RBFOX1: variants seen among roughly 807,000 people sequenced by gnomAD.
RBFOX1 encodes RNA binding fox-1 homolog 1, also known as RNA binding protein fox-1 homolog 1.
RBFOX1 carries 8 observed loss-of-function variants against 57.7 expected under a neutral mutation model. The ratio of observed to expected loss-of-function variants is 0.14; its 90% CI spans 0.08 to 0.25. RBFOX1 has a LOEUF of 0.25. Among genes scored for constraint, RBFOX1 ranks in the 10% least tolerant of loss-of-function variants. RBFOX1 has a pLI of 1.00. For missense variants in RBFOX1, 611 were observed against 548.5 expected, an observed-to-expected ratio of 1.11 and a Z score of -1.14; for synonymous variants, 326 against 222.4, an observed-to-expected ratio of 1.47 and a Z score of -4.15.
At chr16:5,798,785 CA>C (rs1034923835) in intron 3 of RBFOX1, among the ~76,000 whole-genome samples, 7 of 152,116 alleles carry the variant, frequency 4.6e-5, no homozygotes, top group African/African-American at 1.7e-4. Flanking sequence ...AATTATGAAC[CA>C]GGGGTCTGAG....
chr16:6,865,074 C>T (rs2059688417), intron 3 of RBFOX1, among the ~76,000 whole-genome samples: 1 of 129,118 alleles, frequency 7.7e-6, no homozygotes, highest in African/African-American at 3.0e-5. Context: ...GCGATCTTGG[C>T]TCACTGCAAC....
At chr16:6,826,274 A>G (rs893245855) in intron 3 of RBFOX1, among the ~76,000 whole-genome samples, 2 of 152,088 alleles carry the variant, frequency 1.3e-5, no homozygotes, top group Non-Finnish European at 2.9e-5. Context: ...CACTTTGGGG[A>G]GGCCGAAGCG....
chr16:7,601,922 G>A (rs1222184311), intron 9 of RBFOX1, among the ~76,000 whole-genome samples: 5 of 152,174 alleles, frequency 3.3e-5, no homozygotes, highest in Non-Finnish European at 5.9e-5. Flanking sequence ...TTTGTACCCA[G>A]TGCGAACCTC....
intron 3 of RBFOX1, among the ~76,000 whole-genome samples, chr16:5,637,394 C>G (rs896037632): frequency 1.3e-5 from 2 of 152,244 alleles, no homozygotes; most frequent in African/African-American, 4.8e-5. Flanking sequence ...TTCTGCTCAG[C>G]TCCTTCCCAC....
intron 2 of RBFOX1, chr16:6,484,005 T>A: frequency 1.1e-6 from 1 of 942,954 alleles, no homozygotes; most frequent in Non-Finnish European, 1.3e-6. Context: ...TCTGGACACT[T>A]GGAGAGGGCT....
chr16:6,654,292 G>T (rs1415531541), intron 2 of RBFOX1, among the ~76,000 whole-genome samples: 2 of 152,202 alleles, frequency 1.3e-5, no homozygotes, highest in African/African-American at 4.8e-5. Flanking sequence ...GTGAACAATT[G>T]TATGGAGGGC....
At chr16:7,658,764 A>T (rs2066954935) in intron 12 of RBFOX1, among the ~76,000 whole-genome samples, 1 of 152,152 alleles carries the variant, frequency 6.6e-6, no homozygotes, top group Non-Finnish European at 1.5e-5. Flanking sequence ...TTGCTCTGTC[A>T]CCCAGGCTGA....
intron 2 of RBFOX1, among the ~76,000 whole-genome samples, chr16:5,508,788 C>G (rs1026644114): frequency 1.8e-4 from 27 of 152,326 alleles, no homozygotes; most frequent in African/African-American, 5.8e-4. Context: ...CACAGTATGT[C>G]CCTGCAGTCA....
At chr16:6,612,141 ATTTGCTCATC>A (rs2098068431) in intron 2 of RBFOX1, among the ~76,000 whole-genome samples, 1 of 152,152 alleles carries the variant, frequency 6.6e-6, no homozygotes, top group Admixed American at 6.5e-5. Flanking sequence ...CCTGGTAAGA[ATTTGCTCATC>A]TTTTATTTTC....
At chr16:6,966,118 T>G (rs879841828) in intron 3 of RBFOX1, among the ~76,000 whole-genome samples, 2 of 152,144 alleles carry the variant, frequency 1.3e-5, no homozygotes, top group African/African-American at 2.4e-5. Context: ...ACTGGGGGCC[T>G]AAAAAGCACA....
chr16:5,972,016 C>G (rs2059970964), intron 4 of RBFOX1, among the ~76,000 whole-genome samples: 1 of 152,220 alleles, frequency 6.6e-6, no homozygotes, highest in South Asian at 2.1e-4. Flanking sequence ...GTGCTTCTTC[C>G]TGCCTTCGGA....
intron 2 of RBFOX1, among the ~76,000 whole-genome samples, chr16:5,533,917 A>G (rs117856144): frequency 0.011 from 1,640 of 152,230 alleles, 13 homozygotes; most frequent in Non-Finnish European, 0.018. Flanking sequence ...ACAGAAAGTG[A>G]CTGGGGGTGA....
chr16:6,754,419 C>T (rs1374307981), intron 3 of RBFOX1, among the ~76,000 whole-genome samples: 2 of 152,154 alleles, frequency 1.3e-5, no homozygotes, highest in East Asian at 3.9e-4. Flanking sequence ...TATTTCAAAA[C>T]CTACGGTCGA....
intron 2 of RBFOX1, among the ~76,000 whole-genome samples, chr16:6,397,128 A>G (rs145811950): frequency 5.1e-4 from 78 of 152,342 alleles, no homozygotes; most frequent in African/African-American, 1.7e-3. Context: ...AAGATAATGC[A>G]TAAGTAATAG....
chr16:5,915,136 T>C (rs1018974755), intron 4 of RBFOX1, among the ~76,000 whole-genome samples: 9 of 152,158 alleles, frequency 5.9e-5, no homozygotes, highest in Non-Finnish European at 1.3e-4. Context: ...TCCACTACTT[T>C]TTATTGCCCA....
intron 1 of RBFOX1, among the ~76,000 whole-genome samples, chr16:6,304,889 A>G (rs1599417685): frequency 6.6e-6 from 1 of 151,826 alleles, no homozygotes; most frequent in East Asian, 1.9e-4. Flanking sequence ...AAAAAAAAAA[A>G]AAAAAAAGGA....
intron 1 of RBFOX1, among the ~76,000 whole-genome samples, chr16:6,034,157 A>T (rs781571598): frequency 1.3e-5 from 2 of 151,778 alleles, no homozygotes; most frequent in Admixed American, 6.6e-5. Context: ...CAACTTAGTG[A>T]AACCATGTCT....
chr16:6,334,775 A>G (rs1055916322), intron 2 of RBFOX1, among the ~76,000 whole-genome samples: 3 of 152,168 alleles, frequency 2.0e-5, no homozygotes, highest in South Asian at 2.1e-4. Context: ...TTGATTAGCA[A>G]TGTCTTCCAT....
At chr16:6,133,777 G>C (rs777234893) in intron 1 of RBFOX1, among the ~76,000 whole-genome samples, 1 of 152,006 alleles carries the variant, frequency 6.6e-6, no homozygotes, top group Non-Finnish European at 1.5e-5. Flanking sequence ...GGTCTATCCT[G>C]CCACAGGGTC....
Sources: gnomAD v4.1 joint callset for allele counts (sites outside exome capture counted in the v4.1 genomes callset) on GRCh38, gnomAD v4.1.1 for gene constraint, MANE v1.5 for transcripts, NCBI Gene and HGNC (gene_info 2026-07-23, HGNC 2026-07-21) for gene names.